CSMD1: variants seen among roughly 807,000 people sequenced by gnomAD.
CSMD1 encodes the protein CUB and Sushi multiple domains 1.
Under a neutral mutation model 417.5 loss-of-function variants are expected in CSMD1, and 213 were observed. That is an observed-to-expected ratio of 0.51 (90% CI 0.46 to 0.57). The LOEUF is 0.57. CSMD1 is among the 20% of genes least tolerant of loss of function. CSMD1 has a pLI of 0.00. For synonymous variants in CSMD1, 2,862 were observed against 1,736.8 expected, an observed-to-expected ratio of 1.65 and a Z score of -16.11; for missense variants, 6,923 against 4,529.7, an observed-to-expected ratio of 1.53 and a Z score of -15.17.
intron 7 of CSMD1, among the ~76,000 whole-genome samples, chr8:3,705,558 A>G (rs368924710): frequency 2.6e-5 from 4 of 152,212 alleles, no homozygotes; most frequent in Admixed American, 1.3e-4. Flanking sequence ...ATCATAAACA[A>G]ACAAAAATGT....
chr8:3,721,101 G>C (rs973599095), intron 6 of CSMD1, among the ~76,000 whole-genome samples: 4 of 152,192 alleles, frequency 2.6e-5, no homozygotes, highest in East Asian at 3.9e-4. Flanking sequence ...GGGATTACAG[G>C]TGTGAGCCAC....
At chr8:4,407,894 G>C (rs1329657139) in intron 3 of CSMD1, among the ~76,000 whole-genome samples, 1 of 152,060 alleles carries the variant, frequency 6.6e-6, no homozygotes, top group African/African-American at 2.4e-5. Context: ...AGTTAAGATG[G>C]ATAACACATC....
At chr8:3,979,824 G>T (rs193000507) in intron 5 of CSMD1, among the ~76,000 whole-genome samples, 15 of 152,284 alleles carry the variant, frequency 9.9e-5, no homozygotes, top group Admixed American at 9.2e-4. Context: ...AACCCATGAA[G>T]AAAATGTAGA....
chr8:3,169,917 T>C (rs933155586), intron 37 of CSMD1, among the ~76,000 whole-genome samples: 4 of 152,186 alleles, frequency 2.6e-5, no homozygotes, highest in Non-Finnish European at 5.9e-5. Context: ...CCTCTGTGGA[T>C]GACCCCTTCC....
chr8:4,598,120 G>A (rs1225419688), intron 2 of CSMD1, among the ~76,000 whole-genome samples: 1 of 152,068 alleles, frequency 6.6e-6, no homozygotes, highest in Non-Finnish European at 1.5e-5. Context: ...AACTTCCCCT[G>A]TATCTCTTTA....
chr8:3,851,363 C>T (rs115853007), intron 5 of CSMD1, among the ~76,000 whole-genome samples: 4,060 of 152,282 alleles, frequency 0.027, 80 homozygotes, highest in African/African-American at 0.058. Flanking sequence ...CCCAAATGGC[C>T]ATCCCTGAAC....
chr8:3,327,417 G>A (rs1806605085), intron 23 of CSMD1, among the ~76,000 whole-genome samples: 1 of 152,164 alleles, frequency 6.6e-6, no homozygotes, highest in Non-Finnish European at 1.5e-5. Flanking sequence ...ACAGGCATGA[G>A]CCACCTCGTC....
At chr8:3,881,605 T>C (rs1207586854) in intron 5 of CSMD1, among the ~76,000 whole-genome samples, 17 of 101,842 alleles carry the variant, frequency 1.7e-4, no homozygotes, top group Non-Finnish European at 2.2e-4. Context: ...CAAGACTCCA[T>C]CTCAAAAAAA....
chr8:4,095,706 T>G (rs550147095), intron 3 of CSMD1, among the ~76,000 whole-genome samples: 1 of 152,292 alleles, frequency 6.6e-6, no homozygotes, highest in South Asian at 2.1e-4. Context: ...TATGATGAGG[T>G]GCATCCGTAC....
chr8:3,170,818 A>G (rs1218308771), intron 37 of CSMD1, among the ~76,000 whole-genome samples: 1 of 152,192 alleles, frequency 6.6e-6, no homozygotes, highest in Non-Finnish European at 1.5e-5. Flanking sequence ...TCTACCCCTG[A>G]TTTCTTTAAA....
chr8:3,192,598 G>C (rs1002568925), intron 33 of CSMD1, among the ~76,000 whole-genome samples: 8 of 152,184 alleles, frequency 5.3e-5, no homozygotes, highest in Admixed American at 3.3e-4. Context: ...AGAGGCACGA[G>C]AAGCAGCACT....
rs149824567 is a variant in CSMD1, at chr8:4,462,480, C to T, written c.303-42415G>A. 7.6e-3 allele frequency among the ~76,000 whole-genome samples: 1,161 copies of T among 152,156 alleles called. 33 individuals carry two copies. The highest frequency in any genetic ancestry group is 0.057 in the Admixed American group (868 of 15,272). On this transcript the variant is annotated intron_variant, in intron 2 of 69. Transcript: ENST00000635120. ...AAATCTCTGCTGGCTTATTTGCGTA[C>T]ATTAACAAGCTGATCCTAAAATGCA...
intron 5 of CSMD1, among the ~76,000 whole-genome samples, chr8:3,882,734 G>A (rs1313997994): frequency 6.6e-6 from 1 of 152,214 alleles, no homozygotes; most frequent in Non-Finnish European, 1.5e-5. Flanking sequence ...CAATGTAGGT[G>A]AATGTCACAA....
chr8:4,883,616 A>G (rs760526752), intron 1 of CSMD1, among the ~76,000 whole-genome samples: 1 of 152,086 alleles, frequency 6.6e-6, no homozygotes, highest in Non-Finnish European at 1.5e-5. Context: ...ACTTAGTATA[A>G]TCTGTCAAGG....
At chr8:4,950,069 A>G (rs979739403) in intron 1 of CSMD1, among the ~76,000 whole-genome samples, 3 of 151,966 alleles carry the variant, frequency 2.0e-5, no homozygotes, top group African/African-American at 4.8e-5. Context: ...AATAATACCT[A>G]GAAATATTTC....
At chr8:4,133,285 T>G (rs1220618346) in intron 3 of CSMD1, among the ~76,000 whole-genome samples, 1 of 152,198 alleles carries the variant, frequency 6.6e-6, no homozygotes, top group African/African-American at 2.4e-5. Flanking sequence ...AAAACTGATT[T>G]GCTTAAAAGT....
intron 6 of CSMD1, among the ~76,000 whole-genome samples, chr8:3,716,225 A>C (rs569669881): frequency 3.3e-5 from 5 of 152,256 alleles, no homozygotes; most frequent in African/African-American, 9.6e-5. Context: ...TGTGGCTGGA[A>C]AGTGGTCCTG....
chr8:4,962,287 G>A (rs1338492057), intron 1 of CSMD1, among the ~76,000 whole-genome samples: 1 of 151,752 alleles, frequency 6.6e-6, no homozygotes, highest in Admixed American at 6.6e-5. Context: ...CATAGCTTAT[G>A]GCAGCTTGGA....
At chr8:4,466,514 G>C (rs578060868) in intron 2 of CSMD1, among the ~76,000 whole-genome samples, 1 of 152,258 alleles carries the variant, frequency 6.6e-6, no homozygotes, top group East Asian at 1.9e-4. Flanking sequence ...TTATTGTTTA[G>C]AAGGCAATGG....
Sources: gnomAD v4.1 joint callset for allele counts (sites outside exome capture counted in the v4.1 genomes callset) on GRCh38, gnomAD v4.1.1 for gene constraint, MANE v1.5 for transcripts, NCBI Gene and HGNC (gene_info 2026-07-23, HGNC 2026-07-21) for gene names.